The following CCDC102B variants were observed in gnomAD, a reference collection of about 807,000 sequenced individuals.
The protein encoded by CCDC102B is coiled-coil domain-containing protein 102B.
Under a neutral mutation model 57.4 loss-of-function variants are expected in CCDC102B, and 75 were observed. The observed-to-expected ratio is 1.31, with a 90% CI of 1.08 to 1.58. The LOEUF is 1.58. CCDC102B is among the 40% of genes most tolerant of loss of function. The probability of loss-of-function intolerance (pLI) is 0.00; values close to 1 mark genes in which losing one functional copy is unlikely to be tolerated. For synonymous variants in CCDC102B, 206 were observed against 201.9 expected (o/e 1.02, Z -0.17); for missense variants, 636 against 582.6 (o/e 1.09, Z -0.94).
rs1025857597 is a variant in CCDC102B, at chr18:68,998,400, TCTA to T, written c.1264-12529_1264-12527del. ...ATACATACATCTACATACACATACA[TCTA>T]CTACATATATATAGTATATATATAA... On this transcript the variant is annotated intron_variant, in intron 6 of 7. Coordinates refer to ENST00000360242, the MANE Select transcript of CCDC102B (RefSeq NM_024781.3). Among the ~76,000 whole-genome samples, 14 of 139,524 alleles carry T rather than the reference TCTA, an allele frequency of 1.0e-4. No individual in the cohort carries two copies. The South Asian group carries it at 1.1e-3, about 11-fold the overall frequency. The allele number at this position is 139,524 out of a possible 152,430, so 91.5% of individuals were successfully genotyped here.
rs145750990 is a variant in CCDC102B, at chr18:69,047,915, C to T, written c.1435-6115C>T. Among the ~76,000 whole-genome samples the T allele has an allele frequency of 6.3e-3, 954 of 152,184 alleles. 12 individuals are homozygous for T. Among genetic ancestry groups the T allele is most frequent in the African/African-American group, 0.022 (910 of 41,556 alleles). Reference sequence around the variant, plus strand: ...AACAAATGGAAAATAATTCCATGTTCATGGACAGGAAGAATCAATATTGTA... The same window carrying T: ...AACAAATGGAAAATAATTCCATGTTTATGGACAGGAAGAATCAATATTGTA... On this transcript the variant is annotated intron_variant, in intron 7 of 7. Transcript: ENST00000360242.
At chr18:68,916,064 ATC>A (rs988909558) in intron 6 of CCDC102B, among the ~76,000 whole-genome samples, 2 of 152,192 alleles carry the variant, frequency 1.3e-5, no homozygotes, top group African/African-American at 2.4e-5. Context: ...TTTAGTTAGC[ATC>A]TATTCCTTCC....
intron 7 of CCDC102B, among the ~76,000 whole-genome samples, chr18:69,015,540 C>T (rs2051641562): frequency 6.6e-6 from 1 of 152,148 alleles, no homozygotes; most frequent in South Asian, 2.1e-4. Context: ...AATTCTTCAG[C>T]TTGCAATTAG....
intron 6 of CCDC102B, among the ~76,000 whole-genome samples, chr18:68,994,106 T>TTTA (rs1347553012): frequency 8.7e-5 from 3 of 34,336 alleles, no homozygotes; most frequent in Non-Finnish European, 5.3e-4. Flanking sequence ...ATTTGTAATT[T>TTTA]TTATTATTTT....
chr18:68,733,012 T>G (rs1196835691), intron 2 of CCDC102B, among the ~76,000 whole-genome samples: 1 of 152,014 alleles, frequency 6.6e-6, no homozygotes, highest in African/African-American at 2.4e-5. Context: ...GAAAAGTTGG[T>G]GGGGAAGGTT....
At chr18:68,913,305 A>AGTGTGTGTGTGTGTGT (rs1191988172) in intron 6 of CCDC102B, among the ~76,000 whole-genome samples, 6 of 29,548 alleles carry the variant, frequency 2.0e-4, no homozygotes, top group African/African-American at 7.1e-4. Context: ...TTGGATGGTT[A>AGTGTGTGTGTGTGTGT]GTGTCTGTGT....
intron 6 of CCDC102B, among the ~76,000 whole-genome samples, chr18:68,981,363 T>G (rs929604022): frequency 6.6e-6 from 1 of 152,008 alleles, no homozygotes; most frequent in Non-Finnish European, 1.5e-5. Flanking sequence ...TAATCTGCCC[T>G]CATGCTGGTT....
chr18:68,977,715 A>G (rs1055008713), intron 6 of CCDC102B, among the ~76,000 whole-genome samples: 1 of 152,034 alleles, frequency 6.6e-6, no homozygotes, highest in African/African-American at 2.4e-5. Flanking sequence ...GCTTATTATT[A>G]TTAGCTACAG....
intron 2 of CCDC102B, among the ~76,000 whole-genome samples, chr18:68,758,917 C>G (rs924027106): frequency 2.0e-5 from 3 of 147,474 alleles, no homozygotes; most frequent in African/African-American, 7.5e-5. Context: ...CAAGCAAAAT[C>G]TATAAAGAGA....
chr18:69,039,002 G>A (rs1192118832), intron 7 of CCDC102B, among the ~76,000 whole-genome samples: 2 of 151,764 alleles, frequency 1.3e-5, no homozygotes, highest in African/African-American at 4.8e-5. Context: ...CAAAGCCCTC[G>A]CATATTTTTA....
intron 2 of CCDC102B, among the ~76,000 whole-genome samples, chr18:68,741,122 T>C (rs758947139): frequency 1.5e-4 from 23 of 152,362 alleles, no homozygotes; most frequent in Admixed American, 3.9e-4. Context: ...ACATGGCATA[T>C]GGCTCTGTGA....
chr18:68,728,829 C>A (rs951217037), intron 2 of CCDC102B, among the ~76,000 whole-genome samples: 12 of 151,846 alleles, frequency 7.9e-5, no homozygotes, highest in Non-Finnish European at 1.3e-4. Flanking sequence ...AAATATTGTA[C>A]TGAAAATCCT....
At chr18:68,925,622 C>T (rs1419118005) in intron 6 of CCDC102B, among the ~76,000 whole-genome samples, 8 of 151,962 alleles carry the variant, frequency 5.3e-5, no homozygotes, top group Admixed American at 5.3e-4. Flanking sequence ...TACTATGGGT[C>T]AATGCTTTAA....
At chr18:68,733,277 C>T (rs575125482) in intron 2 of CCDC102B, among the ~76,000 whole-genome samples, 21 of 152,098 alleles carry the variant, frequency 1.4e-4, no homozygotes, top group African/African-American at 5.1e-4. Flanking sequence ...TGTTTACTAA[C>T]AGCCAATTAA....
chr18:69,041,210 A>G lies in CCDC102B; in HGVS notation c.1435-12820A>G, dbSNP rs564426280. On this transcript the variant is annotated intron_variant, in intron 7 of 7. Coordinates refer to ENST00000360242, the MANE Select transcript of CCDC102B (RefSeq NM_024781.3). ...AGCAGCACTTGCTATGTATCATCCT[A>G]CTTTTAGTACACAGCAGATACTCAA... Among the ~76,000 whole-genome samples the G allele has an allele frequency of 1.2e-4, 18 of 152,190 alleles. No individual in the cohort carries two copies. In the South Asian group the frequency reaches 3.1e-3, roughly 26 times the overall value.
rs557823213 is a variant in CCDC102B at position 68,838,565 on chromosome 18, A to G, written c.607-141A>G. The stretch of plus-strand genomic sequence containing the variant: ...GAAGAATGCAAGTAAGTGTGGCCAC[A>G]CAACACTTTCAGGGAATGATAATGA... On this transcript the variant is annotated intron_variant, in intron 2 of 7. Coordinates refer to ENST00000360242, the MANE Select transcript of CCDC102B (RefSeq NM_024781.3). The G allele has an allele frequency of 8.4e-6, 12 of 1,435,414 alleles. No individual in the cohort carries two copies. In the African/African-American group the frequency reaches 1.7e-4, roughly 21 times the overall value. 88.9% of individuals were successfully genotyped at this position (1,435,414 alleles called of 1,614,324 possible).
At chr18:68,998,063 C>T (rs1428890776) in intron 6 of CCDC102B, among the ~76,000 whole-genome samples, 4 of 152,054 alleles carry the variant, frequency 2.6e-5, no homozygotes, top group Admixed American at 2.6e-4. Flanking sequence ...TTTGTATTCC[C>T]ACGGTTTCAC....
chr18:69,034,704 C>T (rs980771827), intron 7 of CCDC102B, among the ~76,000 whole-genome samples: 4 of 150,944 alleles, frequency 2.6e-5, no homozygotes, highest in African/African-American at 9.7e-5. Flanking sequence ...TATATATATG[C>T]ATATATAATT....
At chr18:68,994,631 A>G (rs2145336087) in intron 6 of CCDC102B, among the ~76,000 whole-genome samples, 1 of 151,994 alleles carries the variant, frequency 6.6e-6, no homozygotes, top group Middle Eastern at 3.4e-3. Context: ...TGATGGTTTT[A>G]TAAAGGGTTC....
Sources: gnomAD v4.1 joint callset for allele counts (sites outside exome capture counted in the v4.1 genomes callset) on GRCh38, gnomAD v4.1.1 for gene constraint, MANE v1.5 for transcripts, NCBI Gene and HGNC (gene_info 2026-07-23, HGNC 2026-07-21) for gene names.